DRC9: variants seen among roughly 807,000 people sequenced by gnomAD.
DRC9 encodes dynein regulatory complex protein 9.
chr3:197,942,743 C>T, the DRC9 span, among the ~76,000 whole-genome samples: 1 of 151,822 alleles, frequency 6.6e-6, no homozygotes, highest in Admixed American at 6.6e-5. Context: ...CATGGAGAAA[C>T]TCCGTCTCTA....
the DRC9 span, among the ~76,000 whole-genome samples, chr3:197,928,740 T>C: frequency 6.6e-6 from 1 of 151,934 alleles, no homozygotes; most frequent in Non-Finnish European, 1.5e-5. Context: ...GGAGAAGAAA[T>C]GATGCAGCTG....
At chr3:197,915,163 CAAAAAAAA>C in the DRC9 span, among the ~76,000 whole-genome samples, 1 of 71,366 alleles carries the variant, frequency 1.4e-5, no homozygotes, top group Non-Finnish European at 3.0e-5. Flanking sequence ...GATTCTGTCT[CAAAAAAAA>C]AAAAAAAAAA....
the DRC9 span, among the ~76,000 whole-genome samples, chr3:197,944,390 C>T: frequency 6.6e-6 from 1 of 151,928 alleles, no homozygotes; most frequent in Non-Finnish European, 1.5e-5. Flanking sequence ...TCCCGAGTAG[C>T]TGGGATTACA....
the DRC9 span, among the ~76,000 whole-genome samples, chr3:197,938,167 A>C: frequency 2.6e-5 from 4 of 151,858 alleles, no homozygotes; most frequent in Non-Finnish European, 5.9e-5. Flanking sequence ...AAATACAAAA[A>C]TTAGCCGGGC....
chr3:197,907,912 C>G, the DRC9 span, among the ~76,000 whole-genome samples: 1 of 139,738 alleles, frequency 7.2e-6, no homozygotes, highest in African/African-American at 2.7e-5. Context: ...TGAAGAGTGA[C>G]CCCTTTCCCA....
chr3:197,913,282 G>C, the DRC9 span: 1 of 187,524 alleles, frequency 5.3e-6, no homozygotes, highest in African/African-American at 2.4e-5. Context: ...CTGCCTCACT[G>C]CCTCACCTCC....
At chr3:197,889,644 A>G in the DRC9 span, 3 of 1,614,160 alleles carry the variant, frequency 1.9e-6, no homozygotes, top group Non-Finnish European at 2.5e-6. Flanking sequence ...CTTGCTATCA[A>G]CTTTGTCTTT....
the DRC9 span, among the ~76,000 whole-genome samples, chr3:197,935,458 GAAAAGT>G: frequency 1.4e-5 from 2 of 146,560 alleles, no homozygotes; most frequent in Non-Finnish European, 3.0e-5. Flanking sequence ...AAAAAGAAAA[GAAAAGT>G]AAATTTGTGA....
the DRC9 span, chr3:197,912,586 G>T: frequency 1.1e-6 from 1 of 911,892 alleles, no homozygotes; most frequent in Non-Finnish European, 1.8e-6. Context: ...AATGATGGTT[G>T]GTTTTCCTTC....
At chr3:197,911,879 A>G in the DRC9 span, among the ~76,000 whole-genome samples, 1 of 151,996 alleles carries the variant, frequency 6.6e-6, no homozygotes, top group African/African-American at 2.4e-5. Context: ...ACCTCAGGTG[A>G]TCCGCTGGCC....
chr3:197,950,884 G>A, the DRC9 span: 1 of 1,577,650 alleles, frequency 6.3e-7, no homozygotes, highest in South Asian at 1.1e-5. Context: ...AGGGGACGAG[G>A]TGGGAAACTT....
the DRC9 span, among the ~76,000 whole-genome samples, chr3:197,922,757 T>TA: frequency 6.7e-6 from 1 of 149,652 alleles, no homozygotes; most frequent in East Asian, 1.9e-4. Flanking sequence ...TCTTCTATTT[T>TA]AAAACATACT....
the DRC9 span, among the ~76,000 whole-genome samples, chr3:197,920,242 C>A: frequency 1.3e-5 from 2 of 151,732 alleles, no homozygotes; most frequent in Non-Finnish European, 2.9e-5. Flanking sequence ...ATTAACATTT[C>A]TATTTGCTGT....
the DRC9 span, chr3:197,956,443 G>T: frequency 5.2e-5 from 8 of 152,516 alleles, no homozygotes; most frequent in Admixed American, 2.0e-4. Flanking sequence ...CTCATAAAAA[G>T]CAATCCTATG....
At chr3:197,895,800 C>A in the DRC9 span, among the ~76,000 whole-genome samples, 2 of 150,872 alleles carry the variant, frequency 1.3e-5, no homozygotes, top group South Asian at 2.1e-4. Context: ...CATGGCAAAA[C>A]CCCATCGCTA....
chr3:197,931,971 A>G, the DRC9 span, among the ~76,000 whole-genome samples: 1 of 152,148 alleles, frequency 6.6e-6, no homozygotes, highest in East Asian at 1.9e-4. Flanking sequence ...AATGGTCTTG[A>G]TATATTGTAA....
chr3:197,945,609 T>C, the DRC9 span: 1 of 1,576,312 alleles, frequency 6.3e-7, no homozygotes, highest in Non-Finnish European at 8.7e-7. Flanking sequence ...ACATTGGAAT[T>C]TTAAACATAC....
the DRC9 span, chr3:197,953,991 T>C: frequency 1.9e-6 from 3 of 1,612,172 alleles, no homozygotes; most frequent in African/African-American, 4.0e-5. Flanking sequence ...TTCTTTCCCT[T>C]TTTAAAATCA....
the DRC9 span, chr3:197,958,409 G>T: frequency 6.6e-6 from 1 of 152,220 alleles, no homozygotes; most frequent in Non-Finnish European, 1.5e-5. Context: ...CTCAAATGGA[G>T]AATTCTAACA....
Sources: allele counts gnomAD v4.1 joint callset (sites outside exome capture counted in the v4.1 genomes callset), GRCh38; gene constraint gnomAD v4.1.1; transcripts MANE v1.5; gene names NCBI Gene and HGNC (gene_info 2026-07-23, HGNC 2026-07-21).